The following AEBP2 variants were observed in gnomAD, a reference collection of about 807,000 sequenced individuals.
AEBP2 encodes the protein AE binding protein 2, also known as zinc finger protein AEBP2.
AEBP2 carries 10 observed loss-of-function variants against 50.8 expected under a neutral mutation model. That is an observed-to-expected ratio of 0.20 (90% CI 0.12 to 0.33). The LOEUF (loss-of-function observed/expected upper bound fraction) is 0.33. Among genes scored for constraint, AEBP2 ranks in the 10% least tolerant of loss-of-function variants. The pLI is 1.00. For missense variants in AEBP2, 570 were observed against 688.0 expected (o/e 0.83, Z 1.92); for synonymous variants, 296 against 261.3 (o/e 1.13, Z -1.28).
intron 3 of AEBP2, among the ~76,000 whole-genome samples, chr12:19,491,327 A>G (rs1229760360): frequency 6.6e-6 from 1 of 152,220 alleles, no homozygotes; most frequent in Non-Finnish European, 1.5e-5. Context: ...TGTTGTATGA[A>G]TTAAATACTA....
At chr12:19,460,479 G>C (rs536771558) in intron 1 of AEBP2, among the ~76,000 whole-genome samples, 130 of 151,906 alleles carry the variant, frequency 8.6e-4, no homozygotes, top group Non-Finnish European at 1.7e-3. Context: ...TCAGCCTCCC[G>C]AGTAGCTGGG....
chr12:19,478,243 T>C, intron 3 of AEBP2, among the ~76,000 whole-genome samples: 1 of 152,238 alleles, frequency 6.6e-6, no homozygotes, highest in East Asian at 1.9e-4. Flanking sequence ...TGTTCTTTCT[T>C]GTTTCTCTAG....
chr12:19,461,966 CTT>C (rs1393520997), intron 1 of AEBP2, among the ~76,000 whole-genome samples: 5 of 152,034 alleles, frequency 3.3e-5, no homozygotes, highest in Admixed American at 1.3e-4. Flanking sequence ...AGTTTTCTCT[CTT>C]CTGCTTTTTT....
chr12:19,439,428 G>A (rs1331424486), upstream of AEBP2, among the ~76,000 whole-genome samples: 2 of 150,702 alleles, frequency 1.3e-5, no homozygotes, highest in Non-Finnish European at 3.0e-5. Context: ...GCCGGGCGGG[G>A]GCGGGGGCGC....
intron 1 of AEBP2, among the ~76,000 whole-genome samples, chr12:19,412,027 C>T (rs1029435000): frequency 1.3e-5 from 2 of 152,218 alleles, no homozygotes; most frequent in African/African-American, 2.4e-5. Flanking sequence ...GTAAGTGCTG[C>T]GCAGGTTCTG....
At chr12:19,456,424 T>TATCA in intron 1 of AEBP2, 1 of 1,400,040 alleles carries the variant, frequency 7.1e-7, no homozygotes, top group Non-Finnish European at 1.0e-6. Context: ...CCAGGAACCA[T>TATCA]ATCAACGTTG....
intron 1 of AEBP2, among the ~76,000 whole-genome samples, chr12:19,433,748 A>C (rs1164815181): frequency 2.6e-5 from 4 of 151,390 alleles, no homozygotes; most frequent in African/African-American, 7.3e-5. Flanking sequence ...GGTTGCAGTG[A>C]ACCGAGATCA....
chr12:19,485,777 T>G (rs1948799400), intron 3 of AEBP2, among the ~76,000 whole-genome samples: 1 of 150,968 alleles, frequency 6.6e-6, no homozygotes, highest in South Asian at 2.1e-4. Context: ...TTTATACAGA[T>G]CTAAAGAAAC....
At chr12:19,405,710 C>T (rs959747087) in intron 1 of AEBP2, among the ~76,000 whole-genome samples, 2 of 152,320 alleles carry the variant, frequency 1.3e-5, no homozygotes, top group African/African-American at 2.4e-5. Context: ...TGGCAGGCCC[C>T]TAACAGGGGT....
chr12:19,442,436 GTT>G (rs1809909725), intron 1 of AEBP2, among the ~76,000 whole-genome samples: 1 of 152,156 alleles, frequency 6.6e-6, no homozygotes, highest in South Asian at 2.1e-4. Context: ...ATGTGTCAGA[GTT>G]TTGTTTTTAG....
intron 3 of AEBP2, 22 bp downstream of exon 3, chr12:19,473,377 AT>A (rs779195002): frequency 0.72 from 442,119 of 615,526 alleles, 158,696 homozygotes; most frequent in Non-Finnish European, 0.75. Context: ...TGTATATAAA[AT>A]TTATTTATTT....
chr12:19,514,536 C>G (rs1481551236), intron 6 of AEBP2, 135 bp from the exon 7 acceptor site: 10 of 587,652 alleles, frequency 1.7e-5, no homozygotes, highest in Non-Finnish European at 2.6e-5. Context: ...AGCTGAGCTT[C>G]CCTGGCTTCT....
chr12:19,430,454 T>A (rs1313023056), intron 1 of AEBP2, among the ~76,000 whole-genome samples: 1 of 152,200 alleles, frequency 6.6e-6, no homozygotes, highest in African/African-American at 2.4e-5. Context: ...GACTCGGCAA[T>A]GCAGGCTCTT....
chr12:19,432,777 G>A lies in AEBP2; in HGVS notation c.-17+28561G>A, dbSNP rs566059187. ...TACCTAGAATAGCAGAGCAGAGGAA[G>A]GGGTCCTGGGAGAGGATTTGACTTA... On this transcript the variant is annotated intron_variant, in intron 1 of 3. Coordinates refer to the AEBP2 transcript ENST00000538425. 2.0e-5 allele frequency among the ~76,000 whole-genome samples: 3 copies of A among 152,210 alleles called. No individual in the cohort carries two copies. In the East Asian group the frequency reaches 5.8e-4, roughly 29 times the overall value.
chr12:19,407,294 C>T (rs543631281), intron 1 of AEBP2, among the ~76,000 whole-genome samples: 6 of 152,178 alleles, frequency 3.9e-5, no homozygotes, highest in African/African-American at 1.2e-4. Flanking sequence ...CAGAAAGACC[C>T]CATCTCTTTT....
At chr12:19,438,061 C>G (rs1252442514), upstream of AEBP2, among the ~76,000 whole-genome samples, 1 of 152,154 alleles carries the variant, frequency 6.6e-6, no homozygotes, top group Non-Finnish European at 1.5e-5. Context: ...CCCTACTTTA[C>G]AAAAGAAAGG....
chr12:19,442,136 G>A (rs967659284), intron 1 of AEBP2, among the ~76,000 whole-genome samples: 1 of 152,148 alleles, frequency 6.6e-6, no homozygotes, highest in Non-Finnish European at 1.5e-5. Flanking sequence ...GGCCGGGCGC[G>A]GTGGCTCAGG....
At chr12:19,412,639 G>A (rs796717475) in intron 1 of AEBP2, among the ~76,000 whole-genome samples, 12 of 151,888 alleles carry the variant, frequency 7.9e-5, no homozygotes, top group African/African-American at 2.7e-4. Flanking sequence ...TCACTATGTT[G>A]CCCAGGCTAG....
At chr12:19,450,407 A>T (rs1948146536) in intron 1 of AEBP2, among the ~76,000 whole-genome samples, 2 of 151,052 alleles carry the variant, frequency 1.3e-5, no homozygotes, top group African/African-American at 4.9e-5. Flanking sequence ...ATTTTTAGTA[A>T]AACTGTCTGC....
Sources: gnomAD v4.1 joint callset for allele counts (sites outside exome capture counted in the v4.1 genomes callset) on GRCh38, gnomAD v4.1.1 for gene constraint, MANE v1.5 for transcripts, NCBI Gene and HGNC (gene_info 2026-07-23, HGNC 2026-07-21) for gene names.